The following RHOA variants were observed in gnomAD, a reference collection of about 807,000 sequenced individuals.
RHOA encodes transforming protein RhoA.
Under a neutral mutation model 17.5 loss-of-function variants are expected in RHOA, and 3 were observed. The ratio of observed to expected loss-of-function variants is 0.17; its 90% CI spans 0.08 to 0.44. RHOA has a LOEUF of 0.44. RHOA is among the 20% of genes least tolerant of loss of function. The probability of loss-of-function intolerance (pLI) is 0.99; values close to 1 mark genes in which losing one functional copy is unlikely to be tolerated. For synonymous variants in RHOA, 98 were observed against 88.4 expected (o/e 1.11, Z -0.61); for missense variants, 56 against 242.3 (o/e 0.23, Z 5.10).
intron 3 of RHOA, among the ~76,000 whole-genome samples, chr3:49,365,640 G>T (rs1468942098): frequency 6.8e-6 from 1 of 147,198 alleles, no homozygotes; most frequent in Non-Finnish European, 1.5e-5. Flanking sequence ...ACCTAGGCTG[G>T]AGTGCAGTGA....
intron 1 of RHOA, among the ~76,000 whole-genome samples, chr3:49,397,712 G>C (rs766963660): frequency 6.6e-6 from 1 of 152,092 alleles, no homozygotes; most frequent in Non-Finnish European, 1.5e-5. Context: ...AGAACTGCTA[G>C]AGCAACATTA....
rs558359896 is a variant in RHOA at position 49,367,679 on chromosome 3, A to C, written c.277+749T>G. 2.0e-5 allele frequency among the ~76,000 whole-genome samples: 3 copies of C among 151,410 alleles called. No homozygotes were observed. The East Asian group carries it at 5.9e-4, about 30-fold the overall frequency. On this transcript the variant is annotated intron_variant, in intron 3 of 4. Transcript: ENST00000418115. ...TGGGATTACAAGTGCACGCCACCAC[A>C]CCCAGCTAATTTTTGTATTTTAGTA...
chr3:49,366,897 G>A (rs1422568642), intron 3 of RHOA: 1 of 151,962 alleles, frequency 6.6e-6, no homozygotes, highest in African/African-American at 2.4e-5. Flanking sequence ...CAACATCCTT[G>A]ACCCACCTGC....
intron 1 of RHOA, among the ~76,000 whole-genome samples, chr3:49,384,726 T>G (rs890611290): frequency 6.6e-6 from 1 of 152,084 alleles, no homozygotes; most frequent in African/African-American, 2.4e-5. Context: ...CAGGATGGTC[T>G]TAAACTCCTG....
chr3:49,361,809 A>T (rs1415209806), intron 4 of RHOA, among the ~76,000 whole-genome samples: 1 of 152,196 alleles, frequency 6.6e-6, no homozygotes, highest in Non-Finnish European at 1.5e-5. Flanking sequence ...TAAACCTTGG[A>T]GGCTGAGGTT....
At chr3:49,403,346 A>G (rs1161273314) in intron 1 of RHOA, among the ~76,000 whole-genome samples, 2 of 152,174 alleles carry the variant, frequency 1.3e-5, no homozygotes, top group Non-Finnish European at 2.9e-5. Context: ...AAATAAAAAT[A>G]AAAATTTAAA....
chr3:49,404,209 G>C (rs190129321), intron 1 of RHOA, among the ~76,000 whole-genome samples: 1 of 148,088 alleles, frequency 6.8e-6, no homozygotes, highest in Non-Finnish European at 1.5e-5. Context: ...AGGACGAGGC[G>C]TAAGGATACC....
chr3:49,363,818 C>G (rs2048011148), intron 3 of RHOA, among the ~76,000 whole-genome samples: 1 of 152,054 alleles, frequency 6.6e-6, no homozygotes, highest in South Asian at 2.1e-4. Context: ...CAATACTACA[C>G]TCACTCCAGC....
chr3:49,360,139 A>G lies in RHOA; in HGVS notation c.*70T>C. 7.0e-7 allele frequency: 1 copy of G among 1,433,714 alleles called. No homozygotes were observed. The highest frequency in any genetic ancestry group is 9.5e-7 in the Non-Finnish European group (1 of 1,053,072). 88.8% of individuals were successfully genotyped at this position (1,433,714 alleles called of 1,614,324 possible). On this transcript the variant is annotated 3_prime_UTR_variant, in exon 5 of 5. Coordinates refer to ENST00000418115, the MANE Select transcript of RHOA (RefSeq NM_001664.4). ...TTATAGATAAATGAAAAAGGCCAGT[A>G]ATCATACACTAAGATTAATAAACAG...
At chr3:49,397,795 G>A (rs2048643133) in intron 1 of RHOA, among the ~76,000 whole-genome samples, 1 of 152,116 alleles carries the variant, frequency 6.6e-6, no homozygotes, top group African/African-American at 2.4e-5. Context: ...GGACTCCCAA[G>A]GGACTGATCC....
At chr3:49,400,094 C>A (rs1232976225) in intron 1 of RHOA, among the ~76,000 whole-genome samples, 2 of 151,862 alleles carry the variant, frequency 1.3e-5, no homozygotes, top group Admixed American at 6.6e-5. Context: ...TGCTTGTAAT[C>A]CCAGCTACTC....
intron 1 of RHOA, among the ~76,000 whole-genome samples, chr3:49,396,961 C>T (rs999770198): frequency 1.3e-5 from 2 of 151,878 alleles, no homozygotes; most frequent in African/African-American, 4.8e-5. Flanking sequence ...GAGAGCTTGT[C>T]TCTACAAAAA....
chr3:49,380,541 T>A (rs1238958235), intron 1 of RHOA, among the ~76,000 whole-genome samples: 1 of 151,696 alleles, frequency 6.6e-6, no homozygotes, highest in Non-Finnish European at 1.5e-5. Flanking sequence ...CCCATCTCTA[T>A]TAAAAATATT....
At chr3:49,396,995 T>C (rs1014751064) in intron 1 of RHOA, among the ~76,000 whole-genome samples, 1 of 151,872 alleles carries the variant, frequency 6.6e-6, no homozygotes, top group African/African-American at 2.4e-5. Context: ...CCAGGCGTGG[T>C]AGCATATACC....
At chr3:49,368,587 T>C in intron 2 of RHOA, 39 bp from the exon 3 acceptor site, 2 of 1,612,200 alleles carry the variant, frequency 1.2e-6, no homozygotes, top group Non-Finnish European at 1.7e-6. Context: ...GCAAGGTTAA[T>C]CCCCCCACCC....
In RHOA at chr3:49,362,758, C is replaced by T. The variant is rs527638670; in HGVS notation, c.278-132G>A. 5 of 721,454 alleles carry T rather than the reference C, an allele frequency of 6.9e-6. No homozygotes were observed. In the East Asian group the frequency reaches 8.2e-5, roughly 12 times the overall value. The allele number at this position is 721,454 out of a possible 1,614,324, so 44.7% of individuals were successfully genotyped here. ...AATGCTAGACATTTAATGAAACTCA[C>T]TAGTTTCAAAACCATAAAAAGGAAA... On this transcript the variant is annotated intron_variant, in intron 3 of 4. Coordinates refer to ENST00000418115, the MANE Select transcript of RHOA (RefSeq NM_001664.4).
chr3:49,385,165 C>T (rs1256035318), intron 1 of RHOA, among the ~76,000 whole-genome samples: 1 of 151,818 alleles, frequency 6.6e-6, no homozygotes, highest in Non-Finnish European at 1.5e-5. Context: ...GTGTTGGCTC[C>T]CTAAGTGTTG....
At chr3:49,402,516 T>TA in intron 1 of RHOA, among the ~76,000 whole-genome samples, 1 of 150,846 alleles carries the variant, frequency 6.6e-6, no homozygotes, top group Non-Finnish European at 1.5e-5. Flanking sequence ...TCTATAAAAA[T>TA]TAAATTAATT....
At chr3:49,401,204 A>G (rs1241691932) in intron 1 of RHOA, among the ~76,000 whole-genome samples, 1 of 152,030 alleles carries the variant, frequency 6.6e-6, no homozygotes, top group East Asian at 1.9e-4. Context: ...CTTTCCAAAC[A>G]AGACCTACAA....
Sources: gnomAD v4.1 joint callset for allele counts (sites outside exome capture counted in the v4.1 genomes callset) on GRCh38, gnomAD v4.1.1 for gene constraint, MANE v1.5 for transcripts, NCBI Gene and HGNC (gene_info 2026-07-23, HGNC 2026-07-21) for gene names.